The following RNF150 variants were observed in gnomAD, a reference collection of about 807,000 sequenced individuals.
The protein encoded by RNF150 is ring finger protein 150.
RNF150 carries 24 observed loss-of-function variants against 39.3 expected under a neutral mutation model. The observed-to-expected ratio is 0.61, with a 90% confidence interval of 0.44 to 0.86. RNF150 has a LOEUF of 0.86. RNF150 is among the 40% of genes least tolerant of loss of function. The pLI is 0.00. For missense variants in RNF150, 502 were observed against 587.8 expected, an observed-to-expected ratio of 0.85 and a Z score of 1.51; for synonymous variants, 255 against 227.3, an observed-to-expected ratio of 1.12 and a Z score of -1.10.
intron 1 of RNF150, among the ~76,000 whole-genome samples, chr4:141,005,091 GGTT>G (rs1025498972): frequency 1.3e-5 from 2 of 152,120 alleles, no homozygotes; most frequent in Non-Finnish European, 2.9e-5. Flanking sequence ...ATGAGGGAGC[GGTT>G]GTTGTCAAGT....
At chr4:140,975,635 AATGAGCTC>A (rs1262482167) in intron 1 of RNF150, among the ~76,000 whole-genome samples, 14 of 152,110 alleles carry the variant, frequency 9.2e-5, no homozygotes, top group African/African-American at 3.1e-4. Flanking sequence ...ATAACTTCCT[AATGAGCTC>A]ATGTTCCCCT....
intron 1 of RNF150, among the ~76,000 whole-genome samples, chr4:140,968,246 C>G (rs181577752): frequency 2.7e-4 from 41 of 152,076 alleles, no homozygotes; most frequent in Non-Finnish European, 4.7e-4. Context: ...CATAGATCCC[C>G]TGAGGAAGGG....
In RNF150 at chr4:140,962,642, T is replaced by C. The variant is rs1338983491; in HGVS notation, c.735+4981A>G. 1.3e-5 allele frequency among the ~76,000 whole-genome samples: 2 copies of C among 151,928 alleles called. 1 individual carries two copies. The highest frequency in any genetic ancestry group is 1.3e-4 in the Admixed American group (2 of 15,208). On this transcript the variant is annotated intron_variant, in intron 2 of 6. Transcript: ENST00000515673. Reference sequence around the variant, plus strand: ...TTAATGAAAGTGGCAAAATTGAATTTGTAAGCAGTCATCAAAGAATCTATA... The same window carrying C: ...TTAATGAAAGTGGCAAAATTGAATTCGTAAGCAGTCATCAAAGAATCTATA...
intron 6 of RNF150, among the ~76,000 whole-genome samples, chr4:140,894,842 C>T (rs534755886): frequency 1.3e-5 from 2 of 152,252 alleles, no homozygotes; most frequent in Non-Finnish European, 2.9e-5. Flanking sequence ...AACGTAGATG[C>T]CTTGTCAATA....
At chr4:141,141,906 T>C (rs556156646) in intron 1 of RNF150, among the ~76,000 whole-genome samples, 33 of 152,292 alleles carry the variant, frequency 2.2e-4, no homozygotes, top group African/African-American at 7.5e-4. Context: ...ATGGAGAACA[T>C]TGGGGTGACA....
chr4:140,955,498 T>C (rs1303106213), intron 2 of RNF150, among the ~76,000 whole-genome samples: 1 of 152,210 alleles, frequency 6.6e-6, no homozygotes, highest in East Asian at 1.9e-4. Context: ...ATAAGGTATG[T>C]AAAGTAATGT....
rs576613357 is a variant in RNF150 at position 141,052,552 on chromosome 4, T to A, written c.484+79773A>T. Among the ~76,000 whole-genome samples the A allele has an allele frequency of 1.5e-3, 226 of 152,200 alleles. 1 individual carries two copies. The highest frequency in any genetic ancestry group is 5.2e-3 in the African/African-American group (215 of 41,538). On this transcript the variant is annotated intron_variant, in intron 1 of 6. Transcript: ENST00000515673. ...CACCATGCCCAGCTAATTTTTGTATTTTTAGTAGAGATGGGGTTTCACTAC... is the reference window on the plus strand; with the variant it reads ...CACCATGCCCAGCTAATTTTTGTATATTTAGTAGAGATGGGGTTTCACTAC...
chr4:140,999,983 GAA>G (rs1232600026), intron 1 of RNF150, among the ~76,000 whole-genome samples: 6,930 of 37,022 alleles, frequency 0.19, 1,772 homozygotes, highest in Admixed American at 0.35. Flanking sequence ...AAGAAAAGAA[GAA>G]AAGAAGAAAA....
At chr4:141,020,004 A>T (rs767372474) in intron 1 of RNF150, among the ~76,000 whole-genome samples, 3 of 152,074 alleles carry the variant, frequency 2.0e-5, no homozygotes, top group Non-Finnish European at 2.9e-5. Context: ...ATTAACTCTT[A>T]GACAGTGTTT....
chr4:141,186,744 CTCT>C (rs746661424), intron 1 of RNF150, among the ~76,000 whole-genome samples: 20 of 152,028 alleles, frequency 1.3e-4, no homozygotes, highest in Non-Finnish European at 2.4e-4. Flanking sequence ...ATTCTTCTCT[CTCT>C]TCTTTTTAGT....
At chr4:141,088,069 A>C (rs1738434674) in intron 1 of RNF150, among the ~76,000 whole-genome samples, 1 of 152,226 alleles carries the variant, frequency 6.6e-6, no homozygotes, top group South Asian at 2.1e-4. Flanking sequence ...AGTAAACTAT[A>C]GACAAATTAA....
intron 1 of RNF150, among the ~76,000 whole-genome samples, chr4:140,972,292 T>A (rs1269648755): frequency 1.3e-5 from 2 of 152,134 alleles, no homozygotes; most frequent in Non-Finnish European, 2.9e-5. Flanking sequence ...ATTACTACTT[T>A]TTGCATCAAC....
chr4:140,911,027 C>G, intron 6 of RNF150, 117 bp downstream of exon 6: 1 of 806,628 alleles, frequency 1.2e-6, no homozygotes, highest in Non-Finnish European at 2.0e-6. Flanking sequence ...AACTGATGAA[C>G]CTAGCAATGA....
chr4:141,072,296 C>G (rs1578696288), intron 1 of RNF150, among the ~76,000 whole-genome samples: 1 of 152,198 alleles, frequency 6.6e-6, no homozygotes, highest in Non-Finnish European at 1.5e-5. Context: ...CTGACCACTT[C>G]TGAAAAACAG....
intron 1 of RNF150, among the ~76,000 whole-genome samples, chr4:141,178,930 T>C (rs966668055): frequency 6.9e-6 from 1 of 145,232 alleles, no homozygotes; most frequent in Non-Finnish European, 1.5e-5. Flanking sequence ...CTAATCATTC[T>C]TCAGGTCTAA....
chr4:140,923,738 T>TA lies in RNF150; in HGVS notation c.987+2238dup, dbSNP rs1214721259. Among the ~76,000 whole-genome samples the TA allele has an allele frequency of 5.3e-5, 8 of 152,240 alleles. No individual in the cohort carries two copies. The East Asian group carries it at 1.4e-3, about 26-fold the overall frequency. On this transcript the variant is annotated intron_variant, in intron 5 of 6. Transcript: ENST00000515673. ...AACCAACCCAAATGTCCAACAATGA[T>TA]AGACTGTATTAAGAAAATGTGGCAC...
At chr4:141,086,885 T>A (rs1424236728) in intron 1 of RNF150, among the ~76,000 whole-genome samples, 2 of 152,084 alleles carry the variant, frequency 1.3e-5, no homozygotes, top group African/African-American at 2.4e-5. Context: ...AAACCTTTCC[T>A]TTTCTTTCTC....
At chr4:141,100,970 G>T (rs1044893640) in intron 1 of RNF150, among the ~76,000 whole-genome samples, 4 of 152,200 alleles carry the variant, frequency 2.6e-5, no homozygotes, top group African/African-American at 9.6e-5. Flanking sequence ...CACTAATCAT[G>T]AATGGCGCTT....
rs367911517 is a variant in RNF150, at chr4:140,895,959, G to C, written c.1198+15185C>G. On this transcript the variant is annotated intron_variant, in intron 6 of 6. Transcript: ENST00000515673. Reference sequence around the variant, plus strand: ...AAATGCTCATCATCACTGGCCATCAGAGAAATGCAAATCAAAACCACTATG... The same window carrying C: ...AAATGCTCATCATCACTGGCCATCACAGAAATGCAAATCAAAACCACTATG... 1.1e-3 allele frequency among the ~76,000 whole-genome samples: 169 copies of C among 147,800 alleles called. 3 individuals are homozygous for C. Among genetic ancestry groups the C allele is most frequent in the African/African-American group, 4.2e-3 (163 of 39,036 alleles).
Sources: allele counts gnomAD v4.1 joint callset (sites outside exome capture counted in the v4.1 genomes callset), GRCh38; gene constraint gnomAD v4.1.1; transcripts MANE v1.5; gene names NCBI Gene and HGNC (gene_info 2026-07-23, HGNC 2026-07-21).